Variants in HECTD4 observed in about 807,000 individuals in gnomAD.
HECTD4 encodes the protein HECT domain E3 ubiquitin protein ligase 4.
HECTD4 carries 114 observed loss-of-function variants against 471.5 expected under a neutral mutation model. That is an observed-to-expected ratio of 0.24 (90% confidence interval 0.21 to 0.28). HECTD4 has a LOEUF of 0.28. Among genes scored for constraint, HECTD4 ranks in the 10% least tolerant of loss-of-function variants. The probability of loss-of-function intolerance (pLI) is 1.00; values close to 1 mark genes in which losing one functional copy is unlikely to be tolerated. For synonymous variants in HECTD4, 2,012 were observed against 2,256.0 expected, an observed-to-expected ratio of 0.89 and a Z score of 3.07; for missense variants, 3,866 against 5,651.5, an observed-to-expected ratio of 0.68 and a Z score of 10.13.
chr12:112,219,329 T>C, intron 45 of HECTD4, 57 bp downstream of exon 45: 15 of 1,258,398 alleles, frequency 1.2e-5, no homozygotes, highest in Non-Finnish European at 1.5e-5. Context: ...GCTGCTGGCC[T>C]TACTCAGTGA....
intron 2 of HECTD4, among the ~76,000 whole-genome samples, chr12:112,318,001 C>A (rs539572117): frequency 1.5e-4 from 22 of 146,774 alleles, no homozygotes; most frequent in Admixed American, 1.3e-3. Flanking sequence ...ATAGGCCAGG[C>A]ACAGTGGCTC....
At chr12:112,377,290 C>G (rs925846173) in intron 1 of HECTD4, among the ~76,000 whole-genome samples, 1 of 151,134 alleles carries the variant, frequency 6.6e-6, no homozygotes. Flanking sequence ...AAAAATAAAA[C>G]AAAAAAACGG....
At chr12:112,378,518 C>G (rs2036826740) in intron 1 of HECTD4, among the ~76,000 whole-genome samples, 2 of 152,058 alleles carry the variant, frequency 1.3e-5, no homozygotes, top group Admixed American at 1.3e-4. Context: ...GCCACTGCGA[C>G]CGGCGTAAAA....
chr12:112,331,847 T>C (rs2035848365), intron 1 of HECTD4, among the ~76,000 whole-genome samples: 1 of 152,136 alleles, frequency 6.6e-6, no homozygotes, highest in Admixed American at 6.5e-5. Context: ...AATTCCAGTG[T>C]CAGGGACAAG....
Position 112,164,382 on chromosome 12 carries a change from C to T in HECTD4, c.12535-107G>A, listed in dbSNP as rs12306627. The T allele has an allele frequency of 3.4e-3, 4,136 of 1,208,662 alleles. 106 individuals are homozygous for T. In the African/African-American group the frequency reaches 0.05, roughly 15 times the overall value. 74.9% of individuals were successfully genotyped at this position (1,208,662 alleles called of 1,614,324 possible). A position where few individuals can be genotyped will look rare whatever the true frequency, so the allele number is the denominator to read the frequency against. Reference sequence around the variant, plus strand: ...AAGCGCAGCTGGTGGGGTCTACCCTCGGCCGTGTAGATGAGCATGTGACAC... The same window carrying T: ...AAGCGCAGCTGGTGGGGTCTACCCTTGGCCGTGTAGATGAGCATGTGACAC... On this transcript the variant is annotated intron_variant, in intron 72 of 75. Transcript: ENST00000682272.
intron 52 of HECTD4, 50 bp downstream of exon 52, chr12:112,207,824 T>A (rs370474184): frequency 6.3e-7 from 1 of 1,589,176 alleles, no homozygotes; most frequent in Non-Finnish European, 8.6e-7. Flanking sequence ...ATCCAGCTCC[T>A]CACTTCAAGT....
intron 7 of HECTD4, among the ~76,000 whole-genome samples, chr12:112,284,980 C>T (rs1021219458): frequency 1.1e-4 from 16 of 152,030 alleles, no homozygotes; most frequent in African/African-American, 2.2e-4. Flanking sequence ...CACAGGAATG[C>T]GCCACCACAT....
Position 112,212,633 on chromosome 12 carries a change from C to T in HECTD4, c.7483G>A (p.Gly2495Ser). 6.2e-7 allele frequency: 1 copy of T among 1,612,082 alleles called. No individual in the cohort carries two copies. The highest frequency in any genetic ancestry group is 8.5e-7 in the Non-Finnish European group (1 of 1,178,962). The change falls in exon 49 of 76, where the codon GGC (glycine) becomes AGC (serine). Residue 2495 changes from glycine (G) to serine (S), a missense_variant. Gly to Ser is a moderately conservative substitution (Grantham distance 56). Coordinates refer to ENST00000682272, the MANE Select transcript of HECTD4 (RefSeq NM_001388303.1). ...TLSPGDVAGIGWERTEGTPPP... is the reference protein window; with the variant it reads ...TLSPGDVAGISWERTEGTPPP... ...GGAGTCCCCTCAGTTCTCTCCCAGC[C>T]AATTCCTGCCACGTCACCTATAGCA...
At chr12:112,174,853 C>T (rs2031376060) in intron 66 of HECTD4, among the ~76,000 whole-genome samples, 1 of 152,192 alleles carries the variant, frequency 6.6e-6, no homozygotes, top group Non-Finnish European at 1.5e-5. Flanking sequence ...GGCCTGGTAG[C>T]CATTTTCATT....
intron 1 of HECTD4, chr12:112,321,718 C>G (rs1214448597): frequency 6.6e-6 from 1 of 151,984 alleles, no homozygotes; most frequent in Admixed American, 6.6e-5. Context: ...GCTGTAATTG[C>G]CTTGCTTAGC....
intron 1 of HECTD4, among the ~76,000 whole-genome samples, chr12:112,368,138 C>T (rs981214052): frequency 6.6e-5 from 10 of 152,152 alleles, no homozygotes; most frequent in Admixed American, 5.2e-4. Flanking sequence ...TCTAAAATTG[C>T]TACACACTGT....
At chr12:112,190,695 C>T in intron 60 of HECTD4, 91 bp downstream of exon 60, 1 of 1,249,660 alleles carries the variant, frequency 8.0e-7, no homozygotes, top group Non-Finnish European at 1.1e-6. Flanking sequence ...CCTGTGGCCA[C>T]TCCCTACACC....
At chr12:112,308,435 C>CAA (rs1044637619) in intron 6 of HECTD4, among the ~76,000 whole-genome samples, 4 of 53,242 alleles carry the variant, frequency 7.5e-5, no homozygotes, top group Admixed American at 2.0e-4. Context: ...TCAAAAAAAG[C>CAA]AAAAAAAAAA....
At chr12:112,369,095 T>C (rs2036619035) in intron 1 of HECTD4, among the ~76,000 whole-genome samples, 1 of 152,128 alleles carries the variant, frequency 6.6e-6, no homozygotes, top group African/African-American at 2.4e-5. Context: ...CCTGCCTATA[T>C]ATAGACATGG....
chr12:112,179,068 A>C lies in HECTD4; in HGVS notation c.11226T>G (p.Tyr3742Ter). The change falls in exon 64 of 76, where the codon TAT becomes TAG. Residue 3742 changes from tyrosine (Y) to a stop codon, truncating the protein, a stop_gained. Coordinates refer to ENST00000682272, the MANE Select transcript of HECTD4 (RefSeq NM_001388303.1). LOFTEE classifies it high-confidence loss of function. The surrounding 1 kb of genome is among the most constrained non-coding windows in gnomAD (Gnocchi z 4.3). ...TGTCAAACTTGGGCTTTGGCACGCC[A>C]TACTTCCTCAGGATCTGTGGAGCAC... ...EDQLTQILRKYGVPKPKFDKS... is the reference protein window; with the variant it reads ...EDQLTQILRK The C allele has an allele frequency of 6.2e-7, 1 of 1,613,990 alleles. No homozygotes were observed. Among genetic ancestry groups the C allele is most frequent in the African/African-American group, 1.3e-5 (1 of 75,066 alleles).
chr12:112,308,771 A>C lies in HECTD4; in HGVS notation c.1146T>G (p.Ile382Met), dbSNP rs2035319256. ...TGTTTACCTGAAGGGTGTTCTGGTCAATGACCTGGAAAAGGGAGTGAGGTT... is the reference window on the plus strand; with the variant it reads ...TGTTTACCTGAAGGGTGTTCTGGTCCATGACCTGGAAAAGGGAGTGAGGTT... ...DNKPHSLFQV[I>M]DQNTLQVCQV... Residue 382 changes from isoleucine (I) to methionine (M), a missense_variant, in exon 6 of 76, where the codon ATT becomes ATG. Coordinates refer to ENST00000682272, the MANE Select transcript of HECTD4 (RefSeq NM_001388303.1). 3 of 1,535,826 alleles carry C rather than the reference A, an allele frequency of 2.0e-6. No homozygotes were observed. Among genetic ancestry groups the C allele is most frequent in the Admixed American group, 2.0e-5 (1 of 50,928 alleles).
chr12:112,279,274 G>A lies in HECTD4; in HGVS notation c.1641C>T (p.Ala547=). The part of the protein sequence containing the change: ...VPPPGGSGSS[A]TRSLFGGTSG... ...TTGTTCCACCAAAAAGAGATCGGGT[G>A]GCAGAGCTGCCTGATCCCCCTGGAG... The change falls in exon 9 of 76, where the codon GCC becomes GCT. Residue 547 remains alanine (A), a synonymous_variant. Transcript: ENST00000682272. The A allele has an allele frequency of 6.2e-7, 1 of 1,612,634 alleles. No individual in the cohort carries two copies. Among genetic ancestry groups the A allele is most frequent in the Non-Finnish European group, 8.5e-7 (1 of 1,179,618 alleles).
Position 112,179,039 on chromosome 12 carries a change from C to T in HECTD4, c.11255G>A (p.Ser3752Asn), listed in dbSNP as rs1593899919. 1.2e-6 allele frequency: 2 copies of T among 1,613,944 alleles called. No homozygotes were observed. Among genetic ancestry groups the T allele is most frequent in the South Asian group, 1.1e-5 (1 of 91,078 alleles). Residue 3752 changes from serine to asparagine, a missense_variant, in exon 64 of 76, where the codon AGC becomes AAC. Ser to Asn is a conservative substitution (Grantham distance 46). Transcript: ENST00000682272. The surrounding 1 kb of genome is among the most constrained non-coding windows in gnomAD (Gnocchi z 4.3). ...YGVPKPKFDK[S>N]KYSKAGKEQH... is the part of the protein sequence containing the mutation. ...CTCCTTCCCGGCCTTGCTGTACTTG[C>T]TCTTGTCAAACTTGGGCTTTGGCAC... is the stretch of plus-strand genomic sequence containing the variant.
chr12:112,292,248 A>G (rs1396386685), intron 7 of HECTD4, among the ~76,000 whole-genome samples: 1 of 152,154 alleles, frequency 6.6e-6, no homozygotes, highest in Non-Finnish European at 1.5e-5. Context: ...GCATCTGCAT[A>G]TGCCATTTCC....
Sources: gnomAD v4.1 joint callset for allele counts (sites outside exome capture counted in the v4.1 genomes callset) on GRCh38, gnomAD v4.1.1 for gene constraint, Gnocchi (gnomAD v3.1) non-coding constraint, MANE v1.5 for transcripts, NCBI Gene and HGNC (gene_info 2026-07-23, HGNC 2026-07-21) for gene names.